Variants in CCDC144A observed in about 807,000 individuals in gnomAD.
CCDC144A encodes coiled-coil domain containing 144A.
In CCDC144A, 41 loss-of-function variants were observed where a neutral mutation model predicts 143.8. That is an observed-to-expected ratio of 0.29 (90% CI 0.22 to 0.37). The LOEUF (loss-of-function observed/expected upper bound fraction) is 0.37, where lower values mean the gene tolerates loss of function less well. CCDC144A is among the 10% of genes least tolerant of loss of function. CCDC144A has a pLI of 1.00. For missense variants in CCDC144A, 637 were observed against 1,488.8 expected (o/e 0.43, Z 9.41); for synonymous variants, 242 against 517.9 (o/e 0.47, Z 7.23).
the CCDC144A span, among the ~76,000 whole-genome samples, chr17:16,675,971 A>ATCTCC: frequency 6.6e-6 from 1 of 151,524 alleles, no homozygotes; most frequent in Admixed American, 6.6e-5. Context: ...GATGGTCTTG[A>ATCTCC]TCTCCTCACC....
chr17:16,752,500 A>G (rs1914844006), intron 12 of CCDC144A, among the ~76,000 whole-genome samples: 1 of 150,220 alleles, frequency 6.7e-6, no homozygotes, highest in African/African-American at 2.5e-5. Flanking sequence ...GGCCACAGAC[A>G]CCAGCTCAGT....
chr17:16,682,893 T>TG, the CCDC144A span, among the ~76,000 whole-genome samples: 26 of 106,752 alleles, frequency 2.4e-4, no homozygotes, highest in Non-Finnish European at 4.4e-4. Flanking sequence ...GTTTTTTTTT[T>TG]TTTTTTTTTT....
chr17:16,670,397 C>G, the CCDC144A span, among the ~76,000 whole-genome samples: 1 of 149,150 alleles, frequency 6.7e-6, no homozygotes, highest in Non-Finnish European at 1.5e-5. Context: ...AAGTCATTCT[C>G]CTGCCTCAGC....
chr17:16,745,498 A>C (rs1360630296), intron 12 of CCDC144A: 15 of 1,094,302 alleles, frequency 1.4e-5, no homozygotes, highest in Non-Finnish European at 2.0e-5. Flanking sequence ...GCGTGTTTCT[A>C]TGTCACCCTC....
intron 1 of CCDC144A, among the ~76,000 whole-genome samples, chr17:16,691,625 C>T (rs1464540476): frequency 3.3e-5 from 5 of 151,864 alleles, no homozygotes; most frequent in Admixed American, 1.3e-4. Context: ...AATAGCCGGG[C>T]GTGGTGGTGG....
At chr17:16,769,649 G>A (rs1015326114) in intron 15 of CCDC144A, among the ~76,000 whole-genome samples, 1 of 152,064 alleles carries the variant, frequency 6.6e-6, no homozygotes, top group Non-Finnish European at 1.5e-5. Flanking sequence ...CTGTTCTGCG[G>A]TTTGAAAAAT....
At chr17:16,757,042 C>T (rs1915122906) in intron 12 of CCDC144A, among the ~76,000 whole-genome samples, 1 of 152,376 alleles carries the variant, frequency 6.6e-6, no homozygotes, top group South Asian at 2.1e-4. Context: ...TGATTGGCAG[C>T]ACCAGGCCAT....
chr17:16,683,381 T>A, the CCDC144A span: 3 of 677,586 alleles, frequency 4.4e-6, no homozygotes, highest in Non-Finnish European at 7.5e-6. Context: ...ACAACTCTCT[T>A]TGTAAAATTA....
At chr17:16,683,140 T>C in the CCDC144A span, among the ~76,000 whole-genome samples, 2 of 151,826 alleles carry the variant, frequency 1.3e-5, no homozygotes, top group African/African-American at 2.4e-5. Flanking sequence ...GTTTAAGAGA[T>C]ACATTGCACA....
chr17:16,729,874 A>G (rs1335656768), intron 9 of CCDC144A, among the ~76,000 whole-genome samples: 1 of 146,624 alleles, frequency 6.8e-6, no homozygotes, highest in African/African-American at 2.5e-5. Flanking sequence ...AAAAATATAT[A>G]TATATATATG....
upstream of CCDC144A, among the ~76,000 whole-genome samples, chr17:16,684,611 G>T (rs1345460940): frequency 6.6e-6 from 1 of 150,778 alleles, no homozygotes; most frequent in Non-Finnish European, 1.5e-5. Flanking sequence ...CTGAGATCAC[G>T]CCAGTGCACT....
chr17:16,694,120 G>A (rs1379531972), intron 2 of CCDC144A, among the ~76,000 whole-genome samples: 1 of 149,928 alleles, frequency 6.7e-6, no homozygotes, highest in African/African-American at 2.4e-5. Context: ...GTCTCAGGTG[G>A]TAGAGGTGGG....
chr17:16,690,571 C>G lies in CCDC144A; in HGVS notation c.171C>G (p.Ser57Arg), dbSNP rs1910998113. The G allele has an allele frequency of 6.2e-7, 1 of 1,613,762 alleles. No individual in the cohort carries two copies. The highest frequency in any genetic ancestry group is 1.1e-5 in the South Asian group (1 of 91,062). ...SGFPYSWWKN[S>R]VGSESKHGEG... ...TCCCCTACAGCTGGTGGAAAAACAG[C>G]GTCGGCAGCGAGAGCAAGCACGGTG... Residue 57 changes from serine (S) to arginine (R), a missense_variant, in exon 1 of 17, where the codon AGC becomes AGG. Transcript: ENST00000399273.
chr17:16,687,518 A>G (rs913219578), upstream of CCDC144A, among the ~76,000 whole-genome samples: 1 of 152,188 alleles, frequency 6.6e-6, no homozygotes, highest in African/African-American at 2.4e-5. Flanking sequence ...TTAAACAAAA[A>G]CACACATACC....
intron 15 of CCDC144A, among the ~76,000 whole-genome samples, chr17:16,770,068 C>T (rs1186198066): frequency 6.6e-6 from 1 of 151,678 alleles, no homozygotes. Flanking sequence ...CCTTGTGATC[C>T]ACCCAATTCA....
intron 2 of CCDC144A, among the ~76,000 whole-genome samples, chr17:16,698,267 G>A (rs1017104891): frequency 3.3e-5 from 5 of 152,232 alleles, no homozygotes; most frequent in Non-Finnish European, 5.9e-5. Flanking sequence ...GAATCATAAA[G>A]TCATGTTGCA....
At chr17:16,764,317 T>G in intron 15 of CCDC144A, 142 bp downstream of exon 15, 1 of 1,467,654 alleles carries the variant, frequency 6.8e-7, no homozygotes, top group Non-Finnish European at 9.0e-7. Flanking sequence ...AGACAGAAAT[T>G]TTACCGTTAT....
intron 1 of CCDC144A, among the ~76,000 whole-genome samples, chr17:16,691,111 A>G (rs971184486): frequency 2.0e-5 from 3 of 152,074 alleles, no homozygotes; most frequent in African/African-American, 7.2e-5. Flanking sequence ...GCACTTTGGG[A>G]GGCCGAGGAG....
the CCDC144A span, among the ~76,000 whole-genome samples, chr17:16,675,134 T>C: frequency 2.0e-5 from 3 of 151,736 alleles, no homozygotes; most frequent in African/African-American, 7.3e-5. Context: ...CCGGGTGTGG[T>C]GGCACGTGCC....
Sources: gnomAD v4.1 joint callset for allele counts (sites outside exome capture counted in the v4.1 genomes callset) on GRCh38, gnomAD v4.1.1 for gene constraint, MANE v1.5 for transcripts, NCBI Gene and HGNC (gene_info 2026-07-23, HGNC 2026-07-21) for gene names.